CSMD3: variants seen among roughly 807,000 people sequenced by gnomAD.
CSMD3 encodes the protein CUB and Sushi multiple domains 3.
A neutral mutation model predicts 435.2 loss-of-function variants in CSMD3; 177 were observed. The observed-to-expected ratio is 0.41, with a 90% confidence interval of 0.36 to 0.46. The LOEUF is 0.46. Among genes scored for constraint, CSMD3 ranks in the 20% least tolerant of loss-of-function variants. CSMD3 has a pLI of 0.34. For missense variants in CSMD3, 4,265 were observed against 4,504.6 expected (o/e 0.95, Z 1.52); for synonymous variants, 1,656 against 1,520.5 (o/e 1.09, Z -2.07).
chr8:112,857,956 G>C (rs1439612644), intron 11 of CSMD3, among the ~76,000 whole-genome samples: 3 of 151,664 alleles, frequency 2.0e-5, no homozygotes, highest in African/African-American at 7.2e-5. Flanking sequence ...TCATGCAACT[G>C]AGGGGTTTGA....
chr8:112,551,021 A>C, intron 26 of CSMD3, 148 bp from the exon 27 acceptor site: 1 of 635,248 alleles, frequency 1.6e-6, no homozygotes, highest in Non-Finnish European at 2.8e-6. Context: ...TATATTCTTA[A>C]TATATTTTTC....
intron 45 of CSMD3, among the ~76,000 whole-genome samples, chr8:112,321,472 G>A (rs1994796): frequency 0.24 from 36,662 of 152,040 alleles, 4,584 homozygotes; most frequent in East Asian, 0.37. Flanking sequence ...TCTGAAGAGT[G>A]ATCCTGGGGA....
At chr8:113,244,013 C>A (rs2093249259) in intron 3 of CSMD3, among the ~76,000 whole-genome samples, 1 of 152,054 alleles carries the variant, frequency 6.6e-6, no homozygotes, top group Admixed American at 6.6e-5. Context: ...GTATCTATCT[C>A]TAGTCTTGTA....
chr8:113,255,706 T>TA (rs2093374156), intron 3 of CSMD3, among the ~76,000 whole-genome samples: 1 of 151,956 alleles, frequency 6.6e-6, no homozygotes, highest in Non-Finnish European at 1.5e-5. Flanking sequence ...TACACATCCA[T>TA]AAAATATTGA....
chr8:112,809,361 T>G (rs1409881445), intron 12 of CSMD3, among the ~76,000 whole-genome samples: 1 of 152,050 alleles, frequency 6.6e-6, no homozygotes, highest in African/African-American at 2.4e-5. Context: ...GCTAGCAAAG[T>G]GAAAGAAAAT....
At position 113,279,633 on chromosome 8, in the gene CSMD3, T is replaced by C. The variant is rs1351342348; in HGVS notation, c.402-929A>G. ...GGCATGTTGTGTAATGGGAGATTTG[T>C]TTTGTTTTTTTAATTTTAATCAATG... On this transcript the variant is annotated intron_variant, in intron 2 of 70. Transcript: ENST00000297405. Among the ~76,000 whole-genome samples the C allele has an allele frequency of 4.0e-5, 6 of 151,846 alleles. No homozygotes were observed. In the East Asian group the frequency reaches 1.2e-3, roughly 29 times the overall value.
intron 35 of CSMD3, among the ~76,000 whole-genome samples, chr8:112,402,348 C>G (rs868242560): frequency 6.6e-5 from 10 of 152,270 alleles, no homozygotes; most frequent in Middle Eastern, 6.8e-3. Context: ...CAACCTTTCA[C>G]GTTAATTAGC....
chr8:112,424,967 G>C (rs1235332423), intron 32 of CSMD3, among the ~76,000 whole-genome samples: 1 of 152,182 alleles, frequency 6.6e-6, no homozygotes, highest in African/African-American at 2.4e-5. Context: ...TGGGATTACA[G>C]GCATGAGCCA....
rs141861677 is a variant in CSMD3, at chr8:112,457,947, A to G, written c.5395+14644T>C. Reference sequence around the variant, plus strand: ...TGGTAAATAAATATGGTAAATAAGTATCTGGAAGAAACATAGAAAATGTCC... The same window carrying G: ...TGGTAAATAAATATGGTAAATAAGTGTCTGGAAGAAACATAGAAAATGTCC... On this transcript the variant is annotated intron_variant, in intron 32 of 70. Coordinates refer to ENST00000297405, the MANE Select transcript of CSMD3 (RefSeq NM_198123.2). 2.3e-4 allele frequency among the ~76,000 whole-genome samples: 35 copies of G among 152,226 alleles called. No homozygotes were observed. The East Asian group carries it at 6.2e-3, about 27-fold the overall frequency.
intron 22 of CSMD3, among the ~76,000 whole-genome samples, chr8:112,596,330 T>C (rs1312019918): frequency 1.3e-5 from 2 of 152,074 alleles, no homozygotes; most frequent in African/African-American, 2.4e-5. Context: ...CCAAAATATA[T>C]ATGCACCCAA....
At chr8:112,640,652 C>T (rs541614051) in intron 20 of CSMD3, among the ~76,000 whole-genome samples, 47 of 151,046 alleles carry the variant, frequency 3.1e-4, no homozygotes, top group Non-Finnish European at 5.2e-4. Context: ...TAGAGGGGGT[C>T]TAAAAATTAA....
At chr8:112,554,035 A>T (rs2131210023) in intron 25 of CSMD3, among the ~76,000 whole-genome samples, 1 of 152,136 alleles carries the variant, frequency 6.6e-6, no homozygotes, top group Non-Finnish European at 1.5e-5. Context: ...GGGGAAAAAA[A>T]AGAAATTCTT....
At chr8:112,495,504 G>A (rs904995815) in intron 30 of CSMD3, among the ~76,000 whole-genome samples, 1 of 152,130 alleles carries the variant, frequency 6.6e-6, no homozygotes, top group Non-Finnish European at 1.5e-5. Flanking sequence ...GCCTCAATTT[G>A]AGAGAATGCC....
intron 28 of CSMD3, among the ~76,000 whole-genome samples, chr8:112,508,512 T>C (rs1822765610): frequency 6.6e-6 from 1 of 152,206 alleles, no homozygotes; most frequent in South Asian, 2.1e-4. Context: ...TGTCCCACTC[T>C]CAGCTTTAAG....
chr8:112,939,306 C>T (rs2083378142), intron 9 of CSMD3, among the ~76,000 whole-genome samples: 1 of 152,056 alleles, frequency 6.6e-6, no homozygotes, highest in Non-Finnish European at 1.5e-5. Flanking sequence ...TTTAAATCTT[C>T]ATTCATTGGG....
At chr8:112,483,316 T>C (rs1020597) in intron 31 of CSMD3, among the ~76,000 whole-genome samples, 41,802 of 151,762 alleles carry the variant, frequency 0.28, 6,013 homozygotes, top group East Asian at 0.39. Context: ...CATGGCAGAA[T>C]TCCATCTCTA....
chr8:113,423,764 C>A (rs528860212), intron 1 of CSMD3, among the ~76,000 whole-genome samples: 1 of 151,922 alleles, frequency 6.6e-6, no homozygotes, highest in South Asian at 2.1e-4. Flanking sequence ...AAAATTCACC[C>A]TGAAACACTT....
chr8:112,332,212 T>C (rs1301824911), intron 45 of CSMD3, among the ~76,000 whole-genome samples: 4 of 152,132 alleles, frequency 2.6e-5, no homozygotes, highest in Non-Finnish European at 4.4e-5. Flanking sequence ...TAATACACCA[T>C]ATTGTAATTA....
At chr8:112,585,817 T>C (rs2131347291) in intron 23 of CSMD3, among the ~76,000 whole-genome samples, 1 of 151,760 alleles carries the variant, frequency 6.6e-6, no homozygotes, top group Non-Finnish European at 1.5e-5. Flanking sequence ...TTTCCCCCCA[T>C]AATTTGCTTG....
Sources: allele counts gnomAD v4.1 joint callset (sites outside exome capture counted in the v4.1 genomes callset), GRCh38; gene constraint gnomAD v4.1.1; transcripts MANE v1.5; gene names NCBI Gene and HGNC (gene_info 2026-07-23, HGNC 2026-07-21).